PIGQ: variants seen among roughly 807,000 people sequenced by gnomAD.
PIGQ encodes phosphatidylinositol N-acetylglucosaminyltransferase subunit Q.
Under a neutral mutation model 60.3 loss-of-function variants are expected in PIGQ, and 54 were observed. The observed-to-expected ratio is 0.90, with a 90% CI of 0.72 to 1.12. The LOEUF (loss-of-function observed/expected upper bound fraction) is 1.12, where lower values mean the gene tolerates loss of function less well. PIGQ is among the 50% of genes most tolerant of loss of function. The pLI is 0.00. For synonymous variants in PIGQ, 416 were observed against 363.7 expected (o/e 1.14, Z -1.64); for missense variants, 799 against 793.5 (o/e 1.01, Z -0.08).
chr16:571,488 CTGTGTGTG>C lies in PIGQ; in HGVS notation c.-10+1418_-10+1425del, dbSNP rs71299924. Among the ~76,000 whole-genome samples the C allele has an allele frequency of 1.6e-4, 10 of 61,820 alleles. No individual in the cohort carries two copies. The East Asian group carries it at 1.8e-3, about 11-fold the overall frequency. 40.6% of individuals were successfully genotyped at this position (61,820 alleles called of 152,430 possible). On this transcript the variant is annotated intron_variant, in intron 1 of 10. Transcript: ENST00000321878. ...GCTAGCCTGTGTGTGTCTGGTTAGC[CTGTGTGTG>C]TGTGTGTGTGTGTGTGTGTGTGTGT...
chr16:576,852 C>G, intron 4 of PIGQ: 1 of 239,770 alleles, frequency 4.2e-6, no homozygotes, highest in Non-Finnish European at 8.0e-6. Flanking sequence ...GTCTTCCTCC[C>G]TCAGCACCAA....
rs1026378535 is a variant in PIGQ, at chr16:583,985, C to A, written c.*950C>A. On this transcript the variant is annotated 3_prime_UTR_variant, in exon 11 of 11. Coordinates refer to ENST00000321878, the MANE Select transcript of PIGQ (RefSeq NM_004204.5). ...CAGGTGCCGGCTGGTGAGGGGATGA[C>A]GCGCTGTGGGTGGGAGGAGGCAGCG... 9 of 389,036 alleles carry A rather than the reference C, an allele frequency of 2.3e-5. No homozygotes were observed. The highest frequency in any genetic ancestry group is 4.5e-5 in the Non-Finnish European group (9 of 201,768). The allele number at this position is 389,036 out of a possible 1,614,324, so 24.1% of individuals were successfully genotyped here.
At position 583,434 on chromosome 16, in the gene PIGQ, G is replaced by T; in HGVS notation, c.*399G>T. 6.2e-7 allele frequency: 1 copy of T among 1,612,668 alleles called. No homozygotes were observed. The highest frequency in any genetic ancestry group is 8.5e-7 in the Non-Finnish European group (1 of 1,179,908). ...TCCCTGGGGGCTCCCCAGTGGCTCT[G>T]CCCTGGCTGTGGGGGTGGAGGGACC... is the stretch of plus-strand genomic sequence containing the variant. On this transcript the variant is annotated 3_prime_UTR_variant, in exon 11 of 11. Coordinates refer to ENST00000321878, the MANE Select transcript of PIGQ (RefSeq NM_004204.5).
In PIGQ at chr16:583,233, C is replaced by T. The variant is rs980178979; in HGVS notation, c.*198C>T. On this transcript the variant is annotated 3_prime_UTR_variant, in exon 11 of 11. Coordinates refer to ENST00000321878, the MANE Select transcript of PIGQ (RefSeq NM_004204.5). Reference sequence around the variant, plus strand: ...GCAGATGTGGGGGTGGCCAGCCAGGCTGGCCGCACTCCATCACTGGCACTG... The same window carrying T: ...GCAGATGTGGGGGTGGCCAGCCAGGTTGGCCGCACTCCATCACTGGCACTG... The T allele has an allele frequency of 1.2e-6, 2 of 1,612,838 alleles. No individual in the cohort carries two copies. The highest frequency in any genetic ancestry group is 2.7e-5 in the African/African-American group (2 of 74,908).
intron 7 of PIGQ, 122 bp from the exon 8 acceptor site, chr16:580,061 C>A: frequency 3.0e-6 from 2 of 658,202 alleles, no homozygotes; most frequent in South Asian, 4.3e-5. Context: ...CAGGCCATCC[C>A]GAGTTCCCTC....
Position 583,411 on chromosome 16 carries a change from C to T in PIGQ, c.*376C>T, listed in dbSNP as rs1286604691. ...CAGCCCCAGGTGGAGGGCTGGTCTC[C>T]CTGGGGGCTCCCCAGTGGCTCTGCC... On this transcript the variant is annotated 3_prime_UTR_variant, in exon 11 of 11. Transcript: ENST00000321878. The T allele has an allele frequency of 6.2e-7, 1 of 1,612,756 alleles. No individual in the cohort carries two copies. The highest frequency in any genetic ancestry group is 8.5e-7 in the Non-Finnish European group (1 of 1,179,960).
rs55662330 is a variant in PIGQ, at chr16:576,496, C to T, written c.942+242C>T. On this transcript the variant is annotated intron_variant, in intron 4 of 10. Coordinates refer to ENST00000321878, the MANE Select transcript of PIGQ (RefSeq NM_004204.5). ...GAAGGGGCTGTGTGCAGGAGCCAGC[C>T]GGGCTGAGGCTCTGGGGAGCCCGCC... 6.6e-3 allele frequency: 3,835 copies of T among 582,158 alleles called. 104 individuals are homozygous for T. Among genetic ancestry groups the T allele is most frequent in the African/African-American group, 0.061 (3,284 of 53,674 alleles). 36.1% of individuals were successfully genotyped at this position (582,158 alleles called of 1,614,324 possible).
Position 578,912 on chromosome 16 carries a change from C to G in PIGQ, c.1197C>G (p.Ile399Met). Residue 399 changes from isoleucine (I) to methionine (M), a missense_variant, in exon 6 of 11, where the codon ATC (isoleucine) becomes ATG (methionine). Physicochemically the swap from Ile to Met is conservative, Grantham distance 10. Transcript: ENST00000321878. ...TTATCGCCCTCCTCACCTTCCACAT[C>G]TACTGCTTTTACGTCTATGGAGCCA... ...SDIIALLTFH[I>M]YCFYVYGARL... 6.2e-7 allele frequency: 1 copy of G among 1,612,430 alleles called. No homozygotes were observed. The highest frequency in any genetic ancestry group is 8.5e-7 in the Non-Finnish European group (1 of 1,179,268).
rs950307708 is a variant in PIGQ, at chr16:583,924, C to T, written c.*889C>T. 4.2e-6 allele frequency: 2 copies of T among 481,140 alleles called. No individual in the cohort carries two copies. The highest frequency in any genetic ancestry group is 2.0e-5 in the African/African-American group (1 of 51,114). The allele number at this position is 481,140 out of a possible 1,614,324, so 29.8% of individuals were successfully genotyped here. A position where few individuals can be genotyped will look rare whatever the true frequency, so the allele number is the denominator to read the frequency against. On this transcript the variant is annotated 3_prime_UTR_variant, in exon 11 of 11. Transcript: ENST00000321878. Reference sequence around the variant, plus strand: ...CGGCACGGTCTGGGTGCGGGTGTTCCCTGTGAGCCCGAGTCCGCTTCAGGA... The same window carrying T: ...CGGCACGGTCTGGGTGCGGGTGTTCTCTGTGAGCCCGAGTCCGCTTCAGGA...
rs751871509 is a variant in PIGQ, at chr16:582,991, G to A, written c.1702G>A (p.Glu568Lys). ...CCTGTGCCGCAAGCTGTTCCTTGGG[G>A]AGCTCATCTACCCCTGGAGGCAGAG... ...GALCRKLFLG[E>K]LIYPWRQRGD... Residue 568 changes from glutamate to lysine, a missense_variant, in exon 11 of 11, where the codon GAG becomes AAG. By Grantham distance (56) the Glu-to-Lys change is moderately conservative (BLOSUM62 1). Transcript: ENST00000321878. 3.1e-6 allele frequency: 5 copies of A among 1,613,114 alleles called. No individual in the cohort carries two copies. In the South Asian group the frequency reaches 3.3e-5, roughly 11 times the overall value.
rs756850889 is a variant in PIGQ, at chr16:580,281, A to G, written c.1416+18A>G. ...TCACCCTGGTGAGCTGAGCACCCAC[A>G]GGCTGGGCCTGGCTGCAGTGCTCTG... is the stretch of plus-strand genomic sequence containing the variant. On this transcript the variant is annotated intron_variant, in intron 8 of 10. Transcript: ENST00000321878. The G allele has an allele frequency of 2.5e-6, 4 of 1,584,058 alleles. No individual in the cohort carries two copies. The highest frequency in any genetic ancestry group is 3.5e-6 in the Non-Finnish European group (4 of 1,157,392).
chr16:576,420 C>A, intron 4 of PIGQ, 166 bp downstream of exon 4: 1 of 834,176 alleles, frequency 1.2e-6, no homozygotes, highest in Non-Finnish European at 1.8e-6. Context: ...ACTCCAGGGG[C>A]GCTGGGGCCT....
intron 2 of PIGQ, among the ~76,000 whole-genome samples, chr16:575,630 G>A (rs1301300252): frequency 6.6e-6 from 1 of 152,186 alleles, no homozygotes; most frequent in Non-Finnish European, 1.5e-5. Context: ...CTGCGAGGAG[G>A]CCAGGCTCCG....
chr16:578,722 G>A, intron 5 of PIGQ, 63 bp from the exon 6 acceptor site: 1 of 1,570,562 alleles, frequency 6.4e-7, no homozygotes, highest in East Asian at 2.3e-5. Flanking sequence ...GTGTGTGTGA[G>A]GGTTGTGCTG....
chr16:573,356 G>A (rs1844118023), intron 1 of PIGQ, among the ~76,000 whole-genome samples: 1 of 151,844 alleles, frequency 6.6e-6, no homozygotes, highest in African/African-American at 2.4e-5. Flanking sequence ...TGGGGTGGCT[G>A]TGGGGATGTC....
chr16:578,613 C>G, intron 5 of PIGQ, 108 bp downstream of exon 5: 1 of 1,444,020 alleles, frequency 6.9e-7, no homozygotes, highest in Non-Finnish European at 9.5e-7. Flanking sequence ...CCCCAGCGTC[C>G]TGTGTGTGTG....
At chr16:572,502 C>G in intron 1 of PIGQ, 1 of 456,216 alleles carries the variant, frequency 2.2e-6, no homozygotes, top group South Asian at 1.5e-5. Flanking sequence ...CTCCAAGCTT[C>G]GGGAGAGGAC....
At position 578,505 on chromosome 16, in the gene PIGQ, A is replaced by G. The variant is rs914268596; in HGVS notation, c.1069A>G (p.Ser357Gly). ...CCTCTACCACATCCACCTGTGGATC[A>G]GTGAGTGCAGGGCAGGCGGGGGCCC... ...FFLYHIHLWI[S>G]YIHLMSPFVE... is the part of the protein sequence containing the mutation. Residue 357 changes from serine (S) to glycine (G), a missense_variant and splice_region_variant, in exon 5 of 11, where the codon AGC becomes GGC. Ser to Gly is a moderately conservative substitution (Grantham distance 56). Transcript: ENST00000321878. 5 of 1,612,000 alleles carry G rather than the reference A, an allele frequency of 3.1e-6. 1 individual carries two copies. In the Admixed American group the frequency reaches 5.0e-5, roughly 16 times the overall value.
rs1461258708 is a variant in PIGQ, at chr16:580,864, C to T, written c.1423C>T (p.Leu475Phe). Residue 475 changes from leucine to phenylalanine, a missense_variant, in exon 9 of 11, where the codon CTC becomes TTC. Coordinates refer to ENST00000321878, the MANE Select transcript of PIGQ (RefSeq NM_004204.5). ...LYYLVFTLLR[L>F]LVVAVQGLIH... is the part of the protein sequence containing the mutation. ...AAATGCTCCTCTGCCACAGCTCCGG[C>T]TCCTGGTGGTCGCCGTGCAGGGCCT... 2.0e-6 allele frequency: 3 copies of T among 1,473,884 alleles called. No individual in the cohort carries two copies. The highest frequency in any genetic ancestry group is 4.5e-5 in the East Asian group (2 of 44,350). The allele number at this position is 1,473,884 out of a possible 1,614,324, so 91.3% of individuals were successfully genotyped here.
Sources: gnomAD v4.1 joint callset for allele counts (sites outside exome capture counted in the v4.1 genomes callset) on GRCh38, gnomAD v4.1.1 for gene constraint, MANE v1.5 for transcripts, NCBI Gene and HGNC (gene_info 2026-07-23, HGNC 2026-07-21) for gene names.